PADI4: variants seen among roughly 807,000 people sequenced by gnomAD.
The protein encoded by PADI4 is protein-arginine deiminase type-4.
PADI4 carries 62 observed loss-of-function variants against 75.0 expected under a neutral mutation model. That is an observed-to-expected ratio of 0.83 (90% CI 0.67 to 1.02). The LOEUF (loss-of-function observed/expected upper bound fraction) is 1.02, where lower values mean the gene tolerates loss of function less well. PADI4 is among the 50% of genes least tolerant of loss of function. The pLI is 0.00. For missense variants in PADI4, 845 were observed against 850.5 expected (o/e 0.99, Z 0.08); for synonymous variants, 361 against 348.1 (o/e 1.04, Z -0.41).
chr1:17,319,098 C>T (rs1024012767), intron 1 of PADI4, among the ~76,000 whole-genome samples: 4 of 152,144 alleles, frequency 2.6e-5, no homozygotes, highest in Admixed American at 6.6e-5. Flanking sequence ...CGGGAGCCAT[C>T]GTGCCTGGCC....
At chr1:17,349,647 G>A (rs1198588196) in intron 10 of PADI4, among the ~76,000 whole-genome samples, 1 of 150,566 alleles carries the variant, frequency 6.6e-6, no homozygotes, top group African/African-American at 2.5e-5. Context: ...AGAGGTTGCA[G>A]TGAGCCGAGA....
intron 1 of PADI4, among the ~76,000 whole-genome samples, chr1:17,327,383 C>A (rs559255501): frequency 5.9e-5 from 9 of 152,132 alleles, no homozygotes; most frequent in African/African-American, 2.2e-4. Context: ...TTAGCATTTG[C>A]TTAATGTATC....
At chr1:17,357,386 C>T (rs1411149674) in intron 13 of PADI4, among the ~76,000 whole-genome samples, 3 of 152,022 alleles carry the variant, frequency 2.0e-5, no homozygotes, top group African/African-American at 7.2e-5. Context: ...CCAGGCTGGT[C>T]TCGAACTCCT....
rs1416017818 is a variant in PADI4, at chr1:17,337,143, G to GTATT, written c.409-891_409-888dup. On this transcript the variant is annotated intron_variant, in intron 4 of 15. Transcript: ENST00000375448. ...CTCAACATTTTATTTATTTATTTATGTATTTATGTATTTATTTATTTATTT... is the reference window on the plus strand; with the variant it reads ...CTCAACATTTTATTTATTTATTTATGTATTTATTTATGTATTTATTTATTTATTT... Among the ~76,000 whole-genome samples, 28 of 100,784 alleles carry GTATT rather than the reference G, an allele frequency of 2.8e-4. No homozygotes were observed. The East Asian group carries it at 5.0e-3, about 18-fold the overall frequency. The allele number at this position is 100,784 out of a possible 152,430, so 66.1% of individuals were successfully genotyped here. A position where few individuals can be genotyped will look rare whatever the true frequency, so the allele number is the denominator to read the frequency against.
chr1:17,361,490 T>A (rs2074847831), intron 15 of PADI4, among the ~76,000 whole-genome samples: 1 of 152,130 alleles, frequency 6.6e-6, no homozygotes, highest in African/African-American at 2.4e-5. Context: ...TGATGAACAG[T>A]ACGAGGCACT....
At chr1:17,357,155 T>C (rs1480796332) in intron 13 of PADI4, among the ~76,000 whole-genome samples, 2 of 152,218 alleles carry the variant, frequency 1.3e-5, no homozygotes, top group Non-Finnish European at 2.9e-5. Flanking sequence ...TAAGTAAACC[T>C]GTTAAATTTT....
chr1:17,346,153 G>A lies in PADI4; in HGVS notation c.1047+14G>A, dbSNP rs751052426. On this transcript the variant is annotated intron_variant, in intron 9 of 15. Coordinates refer to ENST00000375448, the MANE Select transcript of PADI4 (RefSeq NM_012387.3). This position sits in a 1 kb window ranked among gnomAD's most constrained non-coding sequence, Gnocchi z 4.3. Reference sequence around the variant, plus strand: ...CAGTGGATGCAGGTATGTGCCCTGCGGGGCAGGCAGGGTGACTGTCCCTGA... The same window carrying A: ...CAGTGGATGCAGGTATGTGCCCTGCAGGGCAGGCAGGGTGACTGTCCCTGA... 26 of 1,534,200 alleles carry A rather than the reference G, an allele frequency of 1.7e-5. No homozygotes were observed. The highest frequency in any genetic ancestry group is 6.8e-5 in the African/African-American group (5 of 73,258).
At chr1:17,347,875 T>A in intron 9 of PADI4, 66 bp from the exon 10 acceptor site, 1 of 814,418 alleles carries the variant, frequency 1.2e-6, no homozygotes, top group Non-Finnish European at 2.0e-6. Context: ...CATGCCCCCA[T>A]CCTGGCGTCG....
rs187337143 is a variant in PADI4, at chr1:17,339,651, G to A, written c.527-37G>A. 55 of 1,611,776 alleles carry A rather than the reference G, an allele frequency of 3.4e-5. 1 individual carries two copies. The highest frequency in any genetic ancestry group is 2.7e-4 in the African/African-American group (20 of 75,016). ...CTATGGGAAACCAGCAGCGGTCTCA[G>A]GGCCCTGTGACTCAGGCAATGCCCT... On this transcript the variant is annotated intron_variant, in intron 5 of 15. Transcript: ENST00000375448.
chr1:17,313,055 T>C (rs1229002240), intron 1 of PADI4, among the ~76,000 whole-genome samples: 3 of 151,802 alleles, frequency 2.0e-5, no homozygotes, highest in Non-Finnish European at 4.4e-5. Context: ...CTGAGCATGG[T>C]GGCGTGCGCC....
At chr1:17,349,041 C>G (rs904288232) in intron 10 of PADI4, among the ~76,000 whole-genome samples, 1 of 152,200 alleles carries the variant, frequency 6.6e-6, no homozygotes, top group African/African-American at 2.4e-5. Context: ...CAACTTGTCC[C>G]GAGTCTCGCT....
At chr1:17,343,718 A>G (rs938585734) in intron 8 of PADI4, among the ~76,000 whole-genome samples, 1 of 152,158 alleles carries the variant, frequency 6.6e-6, no homozygotes, top group Non-Finnish European at 1.5e-5. Context: ...TGGTTTTATC[A>G]GGGGTTTCCA....
chr1:17,346,168 A>C lies in PADI4; in HGVS notation c.1047+29A>C, dbSNP rs2074512305. 2.7e-6 allele frequency: 4 copies of C among 1,465,100 alleles called. No individual in the cohort carries two copies. Among genetic ancestry groups the C allele is most frequent in the South Asian group, 1.1e-5 (1 of 87,870 alleles). 90.8% of individuals were successfully genotyped at this position (1,465,100 alleles called of 1,614,324 possible). On this transcript the variant is annotated intron_variant, in intron 9 of 15. Coordinates refer to ENST00000375448, the MANE Select transcript of PADI4 (RefSeq NM_012387.3). The surrounding 1 kb of genome is among the most constrained non-coding windows in gnomAD (Gnocchi z 4.3). ...TGTGCCCTGCGGGGCAGGCAGGGTG[A>C]CTGTCCCTGAGGGCCAAGAGACACT...
chr1:17,313,104 C>T (rs1457131418), intron 1 of PADI4, among the ~76,000 whole-genome samples: 2 of 151,912 alleles, frequency 1.3e-5, no homozygotes, highest in Middle Eastern at 3.4e-3. Flanking sequence ...GCAAGAGAAT[C>T]GCTTGAACCT....
rs1333216778 is a variant in PADI4, at chr1:17,346,257, AG to A, written c.1047+121del. On this transcript the variant is annotated intron_variant, in intron 9 of 15. Transcript: ENST00000375448. The surrounding 1 kb of genome is among the most constrained non-coding windows in gnomAD (Gnocchi z 4.3). ...ACCGGCCACTCTTCCTTAGATGGAC[AG>A]GGAGATAGGAACCTGAGAGATCCTT... 2 of 636,520 alleles carry A rather than the reference AG, an allele frequency of 3.1e-6. No homozygotes were observed. Among genetic ancestry groups the A allele is most frequent in the Non-Finnish European group, 5.6e-6 (2 of 354,094 alleles). 39.4% of individuals were successfully genotyped at this position (636,520 alleles called of 1,614,324 possible).
intron 8 of PADI4, among the ~76,000 whole-genome samples, chr1:17,344,881 C>T (rs1366508618): frequency 6.6e-6 from 1 of 152,194 alleles, no homozygotes; most frequent in African/African-American, 2.4e-5. Context: ...GTTTGGAGCC[C>T]CCACACAGAG....
chr1:17,334,325 T>C (rs1197333210), intron 3 of PADI4: 2 of 386,082 alleles, frequency 5.2e-6, no homozygotes, highest in South Asian at 4.0e-5. Flanking sequence ...TTTTTTGAGA[T>C]GGAGTCTCAC....
rs2074268128 is a variant in PADI4 at position 17,334,200 on chromosome 1, AAT to A, written c.340+193_340+194del. On this transcript the variant is annotated intron_variant, in intron 3 of 15. Coordinates refer to ENST00000375448, the MANE Select transcript of PADI4 (RefSeq NM_012387.3). ...ATCCTTAGTCAGTGAACCACAAAGA[AAT>A]ACAATGTGGCAGTGGTGGTGCGGGG... 5.0e-6 allele frequency: 3 copies of A among 599,706 alleles called. No individual in the cohort carries two copies. In the East Asian group the frequency reaches 8.5e-5, roughly 17 times the overall value. 37.1% of individuals were successfully genotyped at this position (599,706 alleles called of 1,614,324 possible).
intron 6 of PADI4, among the ~76,000 whole-genome samples, chr1:17,341,066 A>T (rs2074409797): frequency 6.8e-6 from 1 of 147,630 alleles, no homozygotes; most frequent in African/African-American, 2.5e-5. Flanking sequence ...CTCCCCAAGC[A>T]CTAGGATTAC....
Sources: allele counts gnomAD v4.1 joint callset (sites outside exome capture counted in the v4.1 genomes callset), GRCh38; gene constraint gnomAD v4.1.1; non-coding constraint Gnocchi (gnomAD v3.1); transcripts MANE v1.5; gene names NCBI Gene and HGNC (gene_info 2026-07-23, HGNC 2026-07-21).